The following SPNS1 variants were observed in gnomAD, a reference collection of about 807,000 sequenced individuals.
SPNS1 encodes SPNS lysolipid transporter 1, lysophospholipid.
A neutral mutation model predicts 50.3 loss-of-function variants in SPNS1; 22 were observed. The ratio of observed to expected loss-of-function variants is 0.44; its 90% CI spans 0.31 to 0.62. The LOEUF is 0.62. SPNS1 is among the 20% of genes least tolerant of loss of function. The pLI is 0.07. For missense variants in SPNS1, 576 were observed against 728.6 expected, an observed-to-expected ratio of 0.79 and a Z score of 2.41; for synonymous variants, 295 against 317.4, an observed-to-expected ratio of 0.93 and a Z score of 0.75.
Position 28,983,335 on chromosome 16 carries a change from G to T in SPNS1, c.1320+45G>T. ...TGGCATGGGGTGGCTGGTGTCCTGA[G>T]CCTGGGCTGGATCAGAAGGCCTGGC... is the stretch of plus-strand genomic sequence containing the variant. On this transcript the variant is annotated intron_variant, in intron 10 of 11. Coordinates refer to ENST00000311008, the MANE Select transcript of SPNS1 (RefSeq NM_032038.3). This position sits in a 1 kb window ranked among gnomAD's most constrained non-coding sequence, Gnocchi z 5.4. 1 of 1,510,730 alleles carries T rather than the reference G, an allele frequency of 6.6e-7. No individual in the cohort carries two copies. Among genetic ancestry groups the T allele is most frequent in the Non-Finnish European group, 9.2e-7 (1 of 1,086,070 alleles). The allele number at this position is 1,510,730 out of a possible 1,614,324, so 93.6% of individuals were successfully genotyped here. A position where few individuals can be genotyped will look rare whatever the true frequency, so the allele number is the denominator to read the frequency against.
intron 3 of SPNS1, among the ~76,000 whole-genome samples, 192 bp downstream of exon 3, chr16:28,978,236 C>G (rs745358323): frequency 6.6e-6 from 1 of 152,066 alleles, no homozygotes; most frequent in Non-Finnish European, 1.5e-5. Flanking sequence ...AGAGCATTCT[C>G]TGTCCATTAT....
chr16:28,983,719 G>A lies in SPNS1; in HGVS notation c.1321-67G>A, dbSNP rs1965643008. On this transcript the variant is annotated intron_variant, in intron 10 of 11. Coordinates refer to ENST00000311008, the MANE Select transcript of SPNS1 (RefSeq NM_032038.3). The surrounding 1 kb of genome is among the most constrained non-coding windows in gnomAD (Gnocchi z 5.4). ...ACTTGTCTTTCTCCCTGGAGCTCAG[G>A]GGCGTGCCCTCCCTGGTTCATCCAT... The A allele has an allele frequency of 6.7e-7, 1 of 1,492,710 alleles. No homozygotes were observed. Among genetic ancestry groups the A allele is most frequent in the South Asian group, 1.3e-5 (1 of 75,826 alleles). The allele number at this position is 1,492,710 out of a possible 1,614,324, so 92.5% of individuals were successfully genotyped here. A position where few individuals can be genotyped will look rare whatever the true frequency, so the allele number is the denominator to read the frequency against.
At position 28,981,624 on chromosome 16, in the gene SPNS1, A is replaced by T; in HGVS notation, c.809+9A>T. The stretch of plus-strand genomic sequence containing the variant: ...AGGGCTCTGGCAAGAAAGTGAGTTT[A>T]TTCCCACCCTAGACCACCATCTGAG... On this transcript the variant is annotated intron_variant, in intron 6 of 11. Coordinates refer to ENST00000311008, the MANE Select transcript of SPNS1 (RefSeq NM_032038.3). The surrounding 1 kb of genome is among the most constrained non-coding windows in gnomAD (Gnocchi z 4.2). The T allele has an allele frequency of 6.2e-7, 1 of 1,613,690 alleles. No individual in the cohort carries two copies. Among genetic ancestry groups the T allele is most frequent in the Non-Finnish European group, 8.5e-7 (1 of 1,179,764 alleles).
rs538626974 is a variant in SPNS1 at position 28,982,904 on chromosome 16, C to T, written c.1203C>T (p.Ile401=). 1.5e-5 allele frequency: 25 copies of T among 1,613,932 alleles called. No homozygotes were observed. In the African/African-American group the frequency reaches 2.3e-4, roughly 15 times the overall value. ...GETLLSMNWA[I]VADILLYVVI... is the part of the protein sequence containing the mutation. Reference sequence around the variant, plus strand: ...CCCTCCTGTCCATGAACTGGGCCATCGTGGCCGACATTCTGCTGGTGAGTT... The same window carrying T: ...CCCTCCTGTCCATGAACTGGGCCATTGTGGCCGACATTCTGCTGGTGAGTT... The change falls in exon 9 of 12, where the codon ATC becomes ATT. Residue 401 remains isoleucine (I), a synonymous_variant. Transcript: ENST00000311008.
rs758227814 is a variant in SPNS1, at chr16:28,981,444, C to T, written c.664-26C>T. ...GGCTTGAGTGTGTCTCTCCCTGTGCCTATCCTGAAGCCCTCTGTCTCCCAG... is the reference window on the plus strand; with the variant it reads ...GGCTTGAGTGTGTCTCTCCCTGTGCTTATCCTGAAGCCCTCTGTCTCCCAG... On this transcript the variant is annotated intron_variant, in intron 5 of 11. Transcript: ENST00000311008. The surrounding 1 kb of genome is among the most constrained non-coding windows in gnomAD (Gnocchi z 4.2). 5.6e-6 allele frequency: 9 copies of T among 1,613,526 alleles called. 1 individual carries two copies. Among genetic ancestry groups the T allele is most frequent in the South Asian group, 3.3e-5 (3 of 91,086 alleles).
At position 28,982,535 on chromosome 16, in the gene SPNS1, T is replaced by G. The variant is rs1470085695; in HGVS notation, c.1145T>G (p.Val382Gly). 3 of 1,606,864 alleles carry G rather than the reference T, an allele frequency of 1.9e-6. No homozygotes were observed. In the African/African-American group the frequency reaches 4.0e-5, roughly 21 times the overall value. ...CTTGCCTGCGCCCGTGGTAGCATCG[T>G]GGCCACTTATGTGAGTAGCCAGCAG... ...LSLACARGSI[V>G]ATYIFIFIGE... Residue 382 changes from valine (V) to glycine (G), a missense_variant, in exon 8 of 12, where the codon GTG (valine) becomes GGG (glycine). Transcript: ENST00000311008.
Position 28,983,870 on chromosome 16 carries a change from T to C in SPNS1, c.1405T>C (p.Phe469Leu). 6.2e-7 allele frequency: 1 copy of C among 1,603,780 alleles called. No individual in the cohort carries two copies. Among genetic ancestry groups the C allele is most frequent in the Non-Finnish European group, 8.5e-7 (1 of 1,179,500 alleles). Reference sequence around the variant, plus strand: ...GCAGTTCTCGCTCATGCTCTGCGCGTTTGTTGGGGCACTGGGCGGCGCAGC... The same window carrying C: ...GCAGTTCTCGCTCATGCTCTGCGCGCTTGTTGGGGCACTGGGCGGCGCAGC... The part of the protein sequence containing the change: ...ALQFSLMLCA[F>L]VGALGGAAFL... The change falls in exon 11 of 12, where the codon TTT (phenylalanine) becomes CTT (leucine). Residue 469 changes from phenylalanine to leucine, a missense_variant. Phe to Leu is a conservative substitution (Grantham distance 22). Transcript: ENST00000311008. The surrounding 1 kb of genome is among the most constrained non-coding windows in gnomAD (Gnocchi z 5.4).
chr16:28,979,541 C>T (rs1262705755), intron 5 of SPNS1, 70 bp downstream of exon 5: 2 of 1,520,280 alleles, frequency 1.3e-6, no homozygotes, highest in East Asian at 2.3e-5. Context: ...ACCTTTGGAC[C>T]CCTTCCCACC....
At chr16:28,976,766 G>C (rs1324807525) in intron 2 of SPNS1, among the ~76,000 whole-genome samples, 2 of 152,168 alleles carry the variant, frequency 1.3e-5, no homozygotes, top group Non-Finnish European at 2.9e-5. Context: ...ATAGGGCAAG[G>C]TCTTCAAACC....
At position 28,974,780 on chromosome 16, in the gene SPNS1, A is replaced by T. The variant is rs746488173; in HGVS notation, c.-372A>T. ...CCTTCCACCCTGGCTCCCGCGTCAC[A>T]TGACCGGCTTTAAGCAACATGGCGG... On this transcript the variant is annotated 5_prime_UTR_variant, in exon 1 of 12. The change abolishes an upstream ATG in the 5' untranslated region. Coordinates refer to ENST00000311008, the MANE Select transcript of SPNS1 (RefSeq NM_032038.3). 20 of 1,535,042 alleles carry T rather than the reference A, an allele frequency of 1.3e-5. 2 individuals carry two copies. In the South Asian group the frequency reaches 1.9e-4, roughly 15 times the overall value.
Position 28,982,425 on chromosome 16 carries a change from C to A in SPNS1, c.1035C>A (p.Arg345=). ...TGGGCCTGGGTGTGGAGATCAGCCG[C>A]CGGCTCCGCCACTCCAACCCCCGGG... The part of the protein sequence containing the change: ...LGVGLGVEIS[R]RLRHSNPRAD... The change falls in exon 8 of 12, where the codon CGC becomes CGA. Residue 345 remains arginine (R), a synonymous_variant. Coordinates refer to ENST00000311008, the MANE Select transcript of SPNS1 (RefSeq NM_032038.3). The A allele has an allele frequency of 6.2e-7, 1 of 1,613,230 alleles. No individual in the cohort carries two copies. Among genetic ancestry groups the A allele is most frequent in the Non-Finnish European group, 8.5e-7 (1 of 1,179,484 alleles).
rs1236556188 is a variant in SPNS1 at position 28,981,540 on chromosome 16, C to T, written c.734C>T (p.Ala245Val). ...FLVVREPPRG[A>V]VERHSDLPPL... ...GTAGTGCGGGAGCCGCCAAGGGGAG[C>T]CGTGGAGCGCCACTCAGATTTGCCA... The change falls in exon 6 of 12, where the codon GCC becomes GTC. Residue 245 changes from alanine (A) to valine (V), a missense_variant. Coordinates refer to ENST00000311008, the MANE Select transcript of SPNS1 (RefSeq NM_032038.3). The surrounding 1 kb of genome is among the most constrained non-coding windows in gnomAD (Gnocchi z 4.2). 8 of 1,614,084 alleles carry T rather than the reference C, an allele frequency of 5.0e-6. No individual in the cohort carries two copies. Among genetic ancestry groups the T allele is most frequent in the Non-Finnish European group, 6.8e-6 (8 of 1,180,018 alleles).
rs756863727 is a variant in SPNS1, at chr16:28,975,551, C to G, written c.301C>G (p.Gln101Glu). The G allele has an allele frequency of 1.9e-6, 3 of 1,614,228 alleles. No homozygotes were observed. In the South Asian group the frequency reaches 3.3e-5, roughly 18 times the overall value. The change falls in exon 2 of 12, where the codon CAG (glutamine) becomes GAG (glutamate). Residue 101 changes from glutamine to glutamate, a missense_variant. This residue lies in a region of SPNS1 where 144 missense variants were observed against 181.2 expected (regional missense o/e 0.79). Transcript: ENST00000311008. The stretch of plus-strand genomic sequence containing the variant: ...CGGGGACAGTAGCTCTGGGCTCATC[C>G]AGACCGGTGAGTGGGGACCACTCCT... ...NIGDSSSGLIQTVFISSYMVL... is the reference protein window; with the variant it reads ...NIGDSSSGLIETVFISSYMVL...
chr16:28,982,238 G>A, intron 7 of SPNS1, 118 bp from the exon 8 acceptor site: 1 of 1,371,140 alleles, frequency 7.3e-7, no homozygotes, highest in Non-Finnish European at 1.0e-6. Flanking sequence ...TCAGGGCTGT[G>A]CCAACCATGG....
chr16:28,974,963 T>C lies in SPNS1; in HGVS notation c.-189T>C, dbSNP rs1490625207. 1.7e-5 allele frequency: 25 copies of C among 1,471,476 alleles called. No individual in the cohort carries two copies. The highest frequency in any genetic ancestry group is 2.3e-5 in the Non-Finnish European group (25 of 1,110,864). The allele number at this position is 1,471,476 out of a possible 1,614,324, so 91.2% of individuals were successfully genotyped here. The stretch of plus-strand genomic sequence containing the variant: ...CGTCCCCTCCGCGCTGTGTGTCTAC[T>C]GAGACGGGGAGGCGTGACAGGGCCC... On this transcript the variant is annotated 5_prime_UTR_variant, in exon 1 of 12. An upstream open reading frame in the 5' UTR loses its in-frame stop. Coordinates refer to ENST00000311008, the MANE Select transcript of SPNS1 (RefSeq NM_032038.3).
intron 3 of SPNS1, 106 bp from the exon 4 acceptor site, chr16:28,979,049 C>T (rs1965442876): frequency 1.4e-6 from 2 of 1,399,368 alleles, no homozygotes; most frequent in South Asian, 1.3e-5. Flanking sequence ...TTCTAAAACC[C>T]AGGCATCTCC....
intron 11 of SPNS1, 46 bp from the exon 12 acceptor site, chr16:28,984,159 C>G: frequency 6.6e-7 from 1 of 1,520,404 alleles, no homozygotes; most frequent in Non-Finnish European, 8.9e-7. Context: ...CTGGCTTTGT[C>G]TGTCTGTCCA....
Position 28,982,044 on chromosome 16 carries a change from C to G in SPNS1, c.953C>G (p.Ser318Cys). 2 of 1,614,008 alleles carry G rather than the reference C, an allele frequency of 1.2e-6. No homozygotes were observed. Among genetic ancestry groups the G allele is most frequent in the African/African-American group, 1.3e-5 (1 of 75,070 alleles). Residue 318 changes from serine (S) to cysteine (C), a missense_variant, in exon 7 of 12, where the codon TCT becomes TGT. Transcript: ENST00000311008. ...TPPCLPGDSC[S>C]SSDSLIFGLI... ...CCCTGCCTTCCCGGAGACTCCTGCT[C>G]TTCCTCTGACAGGTGCCCAGATGGG...
Position 28,981,548 on chromosome 16 carries a change from C to T in SPNS1, c.742C>T (p.Arg248Cys), listed in dbSNP as rs752225271. 1.5e-5 allele frequency: 25 copies of T among 1,613,956 alleles called. No individual in the cohort carries two copies. The highest frequency in any genetic ancestry group is 1.2e-4 in the Admixed American group (7 of 59,994). ...GGAGCCGCCAAGGGGAGCCGTGGAG[C>T]GCCACTCAGATTTGCCACCCCTGAA... is the stretch of plus-strand genomic sequence containing the variant. ...VREPPRGAVE[R>C]HSDLPPLNPT... Residue 248 changes from arginine (R) to cysteine (C), a missense_variant, in exon 6 of 12, where the codon CGC (arginine) becomes TGC (cysteine). Arg to Cys is a radical substitution (Grantham distance 180). Around this residue, in one of 3 missense-constraint regions of SPNS1, gnomAD observed 428 missense variants for 520.1 expected, o/e 0.82. Coordinates refer to ENST00000311008, the MANE Select transcript of SPNS1 (RefSeq NM_032038.3). This position sits in a 1 kb window ranked among gnomAD's most constrained non-coding sequence, Gnocchi z 4.2.
Sources: gnomAD v4.1 joint callset for allele counts (sites outside exome capture counted in the v4.1 genomes callset) on GRCh38, gnomAD v4.1.1 for gene constraint, gnomAD v4.1.1 regional missense constraint, Gnocchi (gnomAD v3.1) non-coding constraint, MANE v1.5 for transcripts, NCBI Gene and HGNC (gene_info 2026-07-23, HGNC 2026-07-21) for gene names.